ATOSA: variants seen among roughly 807,000 people sequenced by gnomAD.
ATOSA encodes the protein atos homolog protein A.
chr15:52,707,033 G>T, the ATOSA span, among the ~76,000 whole-genome samples: 1 of 152,248 alleles, frequency 6.6e-6, no homozygotes, highest in African/African-American at 2.4e-5. Flanking sequence ...AGGGGGAGTT[G>T]TATGGTGTGT....
the ATOSA span, among the ~76,000 whole-genome samples, chr15:52,601,896 T>A: frequency 6.6e-6 from 1 of 152,218 alleles, no homozygotes; most frequent in South Asian, 2.1e-4. Flanking sequence ...CCTCGACATT[T>A]TGGAGAGTTG....
chr15:52,672,501 C>CA, the ATOSA span, among the ~76,000 whole-genome samples: 158 of 146,522 alleles, frequency 1.1e-3, 3 homozygotes, highest in Middle Eastern at 3.5e-3. Context: ...TTTCATTATC[C>CA]AAAAAAAAAA....
chr15:52,706,772 C>T, the ATOSA span, among the ~76,000 whole-genome samples: 3 of 152,038 alleles, frequency 2.0e-5, no homozygotes, highest in Non-Finnish European at 2.9e-5. Context: ...TGGATGAAAT[C>T]GAAAACATCA....
the ATOSA span, among the ~76,000 whole-genome samples, chr15:52,709,401 T>C: frequency 3.9e-5 from 6 of 152,210 alleles, no homozygotes; most frequent in South Asian, 1.0e-3. Flanking sequence ...TAAATGTTTC[T>C]CATATCTGCT....
the ATOSA span, among the ~76,000 whole-genome samples, chr15:52,588,766 A>G: frequency 8.5e-5 from 13 of 152,248 alleles, no homozygotes; most frequent in Non-Finnish European, 1.6e-4. Context: ...ATACTTAAAG[A>G]GCTTTAAAAA....
chr15:52,666,130 A>G, the ATOSA span, among the ~76,000 whole-genome samples: 2 of 152,138 alleles, frequency 1.3e-5, no homozygotes, highest in African/African-American at 4.8e-5. Flanking sequence ...TAAATTTTGT[A>G]CTTCTTTGAC....
At chr15:52,658,801 CAAAAAAAAAAAA>C in the ATOSA span, 58 of 263,580 alleles carry the variant, frequency 2.2e-4, no homozygotes, top group Admixed American at 2.1e-3. Flanking sequence ...CTCGTTTCTA[CAAAAAAAAAAAA>C]AAAAAAAAAA....
the ATOSA span, among the ~76,000 whole-genome samples, chr15:52,675,079 C>CATATAAAAACA: frequency 6.6e-6 from 1 of 152,120 alleles, no homozygotes; most frequent in African/African-American, 2.4e-5. Flanking sequence ...TATAAAAACA[C>CATATAAAAACA]AGGTCTGCTA....
the ATOSA span, among the ~76,000 whole-genome samples, chr15:52,622,127 T>A: frequency 6.6e-6 from 1 of 152,180 alleles, no homozygotes; most frequent in South Asian, 2.1e-4. Context: ...ATTACAGGCA[T>A]GAGCCACTGC....
chr15:52,688,439 C>T, the ATOSA span, among the ~76,000 whole-genome samples: 1 of 152,106 alleles, frequency 6.6e-6, no homozygotes, highest in African/African-American at 2.4e-5. Flanking sequence ...AGTGATAGAA[C>T]TCTGGTGGTG....
chr15:52,589,572 A>G, the ATOSA span, among the ~76,000 whole-genome samples: 1 of 152,202 alleles, frequency 6.6e-6, no homozygotes, highest in Admixed American at 6.5e-5. Flanking sequence ...AAAAAACCAT[A>G]AAGTTGAAGG....
chr15:52,692,071 A>T, the ATOSA span, among the ~76,000 whole-genome samples: 2 of 152,154 alleles, frequency 1.3e-5, no homozygotes, highest in African/African-American at 2.4e-5. Flanking sequence ...AATGAAAAGT[A>T]GTCCTCCATC....
the ATOSA span, among the ~76,000 whole-genome samples, chr15:52,681,370 CT>C: frequency 3.3e-5 from 5 of 152,192 alleles, no homozygotes; most frequent in Non-Finnish European, 1.5e-5. Context: ...AGGGTCACTA[CT>C]TTCAAGGAGC....
At chr15:52,676,075 A>G in the ATOSA span, among the ~76,000 whole-genome samples, 2 of 152,214 alleles carry the variant, frequency 1.3e-5, no homozygotes, top group African/African-American at 4.8e-5. Context: ...AGAATAAAAA[A>G]AGATAGGCTG....
chr15:52,635,921 C>CG, the ATOSA span, among the ~76,000 whole-genome samples: 878 of 151,208 alleles, frequency 5.8e-3, 10 homozygotes, highest in African/African-American at 0.02. Context: ...GCTTGAACCC[C>CG]GGGGGCAGGG....
chr15:52,674,969 C>T, the ATOSA span, among the ~76,000 whole-genome samples: 35 of 151,888 alleles, frequency 2.3e-4, no homozygotes, highest in Admixed American at 1.1e-3. Flanking sequence ...TTCATTCTAA[C>T]TGTGAGAAGT....
the ATOSA span, chr15:52,610,449 T>C: frequency 6.8e-7 from 1 of 1,471,234 alleles, no homozygotes; most frequent in Non-Finnish European, 9.1e-7. Context: ...TATTGTATAT[T>C]ATTTTAAATG....
chr15:52,620,706 T>C, the ATOSA span, among the ~76,000 whole-genome samples: 1 of 152,132 alleles, frequency 6.6e-6, no homozygotes, highest in African/African-American at 2.4e-5. Flanking sequence ...CCCAGCATAT[T>C]GGGAGGCTGA....
chr15:52,608,133 T>G, the ATOSA span, among the ~76,000 whole-genome samples: 43 of 152,230 alleles, frequency 2.8e-4, 1 homozygote, highest in African/African-American at 7.9e-4. Context: ...CAAGTGATCC[T>G]TCTGCCTTGG....
Sources: allele counts gnomAD v4.1 joint callset (sites outside exome capture counted in the v4.1 genomes callset), GRCh38; gene constraint gnomAD v4.1.1; transcripts MANE v1.5; gene names NCBI Gene and HGNC (gene_info 2026-07-23, HGNC 2026-07-21).